The following NR2C1 variants were observed in gnomAD, a reference collection of about 807,000 sequenced individuals.
The protein encoded by NR2C1 is TR2 nuclear hormone receptor.
Under a neutral mutation model 74.8 loss-of-function variants are expected in NR2C1, and 33 were observed. The observed-to-expected ratio is 0.44, with a 90% CI of 0.33 to 0.59. The LOEUF is 0.59. Ranked by LOEUF, NR2C1 falls within the 20% of genes least tolerant of loss-of-function variation. The pLI is 0.02. For missense variants in NR2C1, 568 were observed against 715.6 expected (o/e 0.79, Z 2.35); for synonymous variants, 225 against 240.6 (o/e 0.94, Z 0.60).
At position 95,059,909 on chromosome 12, in the gene NR2C1, A is replaced by G; in HGVS notation, c.361T>C (p.Ser121Pro). ...DLCVVCGDKA[S>P]GRHYGAVTCE... ...AGGAGGTTATTCTTAATGTTACCTGATGCTTTGTCTCCACATACTACGCAA... is the reference window on the plus strand; with the variant it reads ...AGGAGGTTATTCTTAATGTTACCTGGTGCTTTGTCTCCACATACTACGCAA... Residue 121 changes from serine (S) to proline (P), a missense_variant, in exon 4 of 14, where the codon TCA becomes CCA. By Grantham distance (74) the Ser-to-Pro change is moderately conservative. Around this residue, in one of 6 missense-constraint regions of NR2C1, gnomAD observed 44 missense variants for 95.6 expected, o/e 0.46. Transcript: ENST00000333003. 1 of 1,569,622 alleles carries G rather than the reference A, an allele frequency of 6.4e-7. No homozygotes were observed. The highest frequency in any genetic ancestry group is 1.2e-5 in the South Asian group (1 of 84,720).
intron 4 of NR2C1, among the ~76,000 whole-genome samples, chr12:95,059,684 C>T (rs112001633): frequency 0.012 from 1,835 of 152,074 alleles, 26 homozygotes; most frequent in African/African-American, 0.042. Context: ...GCATTCCAGC[C>T]GGAGCAACAG....
chr12:95,057,799 A>G lies in NR2C1; in HGVS notation c.624T>C (p.Tyr208=). The G allele has an allele frequency of 6.2e-7, 1 of 1,614,166 alleles. No individual in the cohort carries two copies. The highest frequency in any genetic ancestry group is 2.2e-5 in the East Asian group (1 of 44,876). The change falls in exon 6 of 14, where the codon TAT becomes TAC. Residue 208 remains tyrosine, a synonymous_variant. Coordinates refer to ENST00000333003, the MANE Select transcript of NR2C1 (RefSeq NM_003297.4). ...ATGGGCTACGAAGGTCCTTTCGGATATAGATTTTTTCTGTTGAAGCGGCAC... is the reference window on the plus strand; with the variant it reads ...ATGGGCTACGAAGGTCCTTTCGGATGTAGATTTTTTCTGTTGAAGCGGCAC... ...SNCAASTEKI[Y]IRKDLRSPLT... is the part of the protein sequence containing the mutation.
At chr12:95,064,261 G>A (rs1205451965) in intron 2 of NR2C1, among the ~76,000 whole-genome samples, 3 of 151,366 alleles carry the variant, frequency 2.0e-5, no homozygotes, top group Non-Finnish European at 4.4e-5. Context: ...CCAGGGAGGC[G>A]GAGGTTGCAG....
At chr12:95,069,713 CA>C (rs1217742841) in intron 1 of NR2C1, among the ~76,000 whole-genome samples, 1 of 151,696 alleles carries the variant, frequency 6.6e-6, no homozygotes, top group Non-Finnish European at 1.5e-5. Context: ...TTTTTTCCCC[CA>C]TAATTTTGTG....
intron 1 of NR2C1, among the ~76,000 whole-genome samples, chr12:95,073,170 G>C (rs893791378): frequency 1.3e-5 from 2 of 152,176 alleles, no homozygotes; most frequent in Non-Finnish European, 2.9e-5. Context: ...CGCCTCTCCC[G>C]GGGCCCCGCG....
intron 2 of NR2C1, among the ~76,000 whole-genome samples, chr12:95,063,404 A>G (rs558772740): frequency 1.3e-5 from 2 of 152,356 alleles, no homozygotes; most frequent in South Asian, 2.1e-4. Context: ...AAGGGAAGAC[A>G]GGGATTACAG....
chr12:95,029,024 T>C (rs1281427382), intron 11 of NR2C1, among the ~76,000 whole-genome samples: 1 of 152,206 alleles, frequency 6.6e-6, no homozygotes, highest in African/African-American at 2.4e-5. Flanking sequence ...TCTTAAGATA[T>C]TATTCATTCA....
In NR2C1 at chr12:95,057,628, T is replaced by G; in HGVS notation, c.708A>C (p.Leu236Phe). The change falls in exon 7 of 14, where the codon TTA becomes TTC. Residue 236 changes from leucine (L) to phenylalanine (F), a missense_variant. By Grantham distance (22) the Leu-to-Phe change is conservative. Around this residue, in one of 6 missense-constraint regions of NR2C1, gnomAD observed 239 missense variants for 232.3 expected, o/e 1.03. Coordinates refer to ENST00000333003, the MANE Select transcript of NR2C1 (RefSeq NM_003297.4). ...DSESTRSTGL[L>F]DSGMFMNIHP... Reference sequence around the variant, plus strand: ...GAATATTCATGAACATTCCTGAATCTAACAGTCCTGTTGACCTGTAACAAA... The same window carrying G: ...GAATATTCATGAACATTCCTGAATCGAACAGTCCTGTTGACCTGTAACAAA... 1 of 1,613,984 alleles carries G rather than the reference T, an allele frequency of 6.2e-7. No homozygotes were observed. Among genetic ancestry groups the G allele is most frequent in the Non-Finnish European group, 8.5e-7 (1 of 1,179,974 alleles).
chr12:95,058,900 T>C (rs562823937), intron 4 of NR2C1, among the ~76,000 whole-genome samples: 1 of 152,204 alleles, frequency 6.6e-6, no homozygotes, highest in African/African-American at 2.4e-5. Flanking sequence ...AGTGCTGGGA[T>C]TACAGGCATG....
chr12:95,071,434 T>C (rs1000867087), intron 1 of NR2C1, among the ~76,000 whole-genome samples: 1 of 152,194 alleles, frequency 6.6e-6, no homozygotes, highest in Non-Finnish European at 1.5e-5. Flanking sequence ...CAACGAATTA[T>C]ATTTATACTA....
At chr12:95,067,299 GGGCCAGT>G in intron 2 of NR2C1, 25 bp downstream of exon 2, 2 of 1,588,112 alleles carry the variant, frequency 1.3e-6, no homozygotes, top group Non-Finnish European at 1.7e-6. Flanking sequence ...AAAGTTTGGT[GGGCCAGT>G]GCATCAACCG....
intron 10 of NR2C1, among the ~76,000 whole-genome samples, chr12:95,037,627 G>A (rs1654711251): frequency 6.6e-6 from 1 of 152,146 alleles, no homozygotes. Context: ...CGGGCACGGT[G>A]GCTCACGCCT....
chr12:95,056,295 C>G (rs575564795), intron 7 of NR2C1, among the ~76,000 whole-genome samples: 13 of 152,232 alleles, frequency 8.5e-5, no homozygotes, highest in Middle Eastern at 3.4e-3. Flanking sequence ...TGAGAGAAAC[C>G]CTGATCATAG....
intron 1 of NR2C1, 77 bp from the exon 2 acceptor site, chr12:95,067,468 T>G: frequency 1.8e-6 from 2 of 1,126,190 alleles, no homozygotes; most frequent in South Asian, 2.7e-5. Context: ...TAAAACTATA[T>G]GATATTTAAG....
chr12:95,067,464 T>C (rs1875888319), intron 1 of NR2C1, 73 bp from the exon 2 acceptor site: 1 of 1,123,690 alleles, frequency 8.9e-7, no homozygotes, highest in Non-Finnish European at 1.3e-6. Context: ...CAAATAAAAC[T>C]ATATGATATT....
At chr12:95,053,859 A>G (rs1873431928) in intron 7 of NR2C1, among the ~76,000 whole-genome samples, 1 of 151,152 alleles carries the variant, frequency 6.6e-6, no homozygotes, top group Non-Finnish European at 1.5e-5. Flanking sequence ...AATTTTTTGT[A>G]TTTTTGGTAG....
intron 10 of NR2C1, among the ~76,000 whole-genome samples, chr12:95,037,395 C>T (rs1870976817): frequency 1.3e-5 from 2 of 152,182 alleles, no homozygotes; most frequent in Non-Finnish European, 2.9e-5. Context: ...TAACTGTATA[C>T]TGACAATCAA....
chr12:95,024,896 A>G (rs1327481034), intron 13 of NR2C1, among the ~76,000 whole-genome samples: 1 of 152,228 alleles, frequency 6.6e-6, no homozygotes, highest in Non-Finnish European at 1.5e-5. Flanking sequence ...GTCAGGTGCT[A>G]TCATTTACTG....
intron 7 of NR2C1, 83 bp downstream of exon 7, chr12:95,057,470 C>A (rs1482811458): frequency 1.0e-5 from 10 of 952,968 alleles, no homozygotes; most frequent in South Asian, 3.9e-5. Flanking sequence ...AAGAACAAAG[C>A]AATTTACCAA....
Sources: allele counts gnomAD v4.1 joint callset (sites outside exome capture counted in the v4.1 genomes callset), GRCh38; gene constraint gnomAD v4.1.1; regional missense constraint gnomAD v4.1.1; transcripts MANE v1.5; gene names NCBI Gene and HGNC (gene_info 2026-07-23, HGNC 2026-07-21).